Variants in FAF1 observed in about 807,000 individuals in gnomAD.
FAF1 encodes the protein Fas associated factor 1, also known as FAS-associated factor 1.
FAF1 carries 25 observed loss-of-function variants against 92.5 expected under a neutral mutation model. The ratio of observed to expected loss-of-function variants is 0.27; its 90% CI spans 0.20 to 0.38. The LOEUF (loss-of-function observed/expected upper bound fraction) is 0.38. Ranked by LOEUF, FAF1 falls within the 10% of genes least tolerant of loss-of-function variation. The probability of loss-of-function intolerance (pLI) is 1.00; values close to 1 mark genes in which losing one functional copy is unlikely to be tolerated. For synonymous variants in FAF1, 234 were observed against 273.2 expected (o/e 0.86, Z 1.42); for missense variants, 636 against 793.3 (o/e 0.80, Z 2.38).
At chr1:50,658,376 T>C (rs911951129) in intron 7 of FAF1, among the ~76,000 whole-genome samples, 7 of 152,202 alleles carry the variant, frequency 4.6e-5, no homozygotes, top group African/African-American at 1.7e-4. Context: ...ACACAAATAC[T>C]ATAAGTATAC....
At chr1:50,668,770 T>C (rs994227293) in intron 7 of FAF1, among the ~76,000 whole-genome samples, 1 of 152,164 alleles carries the variant, frequency 6.6e-6, no homozygotes, top group Non-Finnish European at 1.5e-5. Flanking sequence ...GAAATGTAGA[T>C]ATAGCTATTT....
chr1:50,463,155 T>A (rs565506488), intron 18 of FAF1, among the ~76,000 whole-genome samples: 7 of 152,312 alleles, frequency 4.6e-5, no homozygotes, highest in Admixed American at 1.3e-4. Flanking sequence ...TACCTATGTG[T>A]TCAGCACCCA....
intron 18 of FAF1, among the ~76,000 whole-genome samples, chr1:50,449,838 A>C (rs1476822468): frequency 6.6e-6 from 1 of 152,016 alleles, no homozygotes; most frequent in Admixed American, 6.6e-5. Flanking sequence ...TAGTTACTCT[A>C]TTAGGAAAAC....
At chr1:50,597,638 T>A (rs1292986015) in intron 8 of FAF1, among the ~76,000 whole-genome samples, 1 of 152,108 alleles carries the variant, frequency 6.6e-6, no homozygotes, top group Non-Finnish European at 1.5e-5. Flanking sequence ...AAACCCTTTT[T>A]CACAAAAATA....
intron 4 of FAF1, among the ~76,000 whole-genome samples, chr1:50,777,752 A>G (rs1231586565): frequency 1.3e-5 from 2 of 152,084 alleles, no homozygotes; most frequent in Non-Finnish European, 2.9e-5. Flanking sequence ...AGAAAAAAAA[A>G]AAAAAAGGAA....
At chr1:50,682,549 T>C (rs1252138718) in intron 7 of FAF1, among the ~76,000 whole-genome samples, 1 of 152,192 alleles carries the variant, frequency 6.6e-6, no homozygotes, top group Admixed American at 6.5e-5. Context: ...CAACAAAATA[T>C]TAAACCTATT....
chr1:50,870,667 G>A (rs754750491), intron 1 of FAF1, among the ~76,000 whole-genome samples: 9 of 152,124 alleles, frequency 5.9e-5, no homozygotes, highest in South Asian at 2.1e-4. Flanking sequence ...GTTTTGAGGC[G>A]CCACAAACCA....
chr1:50,672,413 G>C (rs1655937333), intron 7 of FAF1, among the ~76,000 whole-genome samples: 1 of 151,952 alleles, frequency 6.6e-6, no homozygotes, highest in Non-Finnish European at 1.5e-5. Context: ...AGGTGGGATG[G>C]GGGAGGGACA....
chr1:50,907,897 T>C (rs1644853336), intron 1 of FAF1, among the ~76,000 whole-genome samples: 1 of 152,202 alleles, frequency 6.6e-6, no homozygotes, highest in African/African-American at 2.4e-5. Context: ...TCTTAGTTAT[T>C]TCTTGCCTTC....
At chr1:50,794,211 G>A (rs1661663629) in intron 3 of FAF1, among the ~76,000 whole-genome samples, 1 of 152,194 alleles carries the variant, frequency 6.6e-6, no homozygotes, top group Non-Finnish European at 1.5e-5. Flanking sequence ...ACATGAAGGT[G>A]AAAGCTGTAC....
At chr1:50,742,550 A>T (rs969332603) in intron 5 of FAF1, among the ~76,000 whole-genome samples, 1 of 151,984 alleles carries the variant, frequency 6.6e-6, no homozygotes, top group Non-Finnish European at 1.5e-5. Flanking sequence ...CGCCCAGCTA[A>T]TTTTTATATT....
At position 50,724,308 on chromosome 1, in the gene FAF1, C is replaced by CAT. The variant is rs1553132441; in HGVS notation, c.551+14554_551+14555insAT. Among the ~76,000 whole-genome samples the CAT allele has an allele frequency of 3.6e-4, 50 of 140,096 alleles. 1 individual carries two copies. The highest frequency in any genetic ancestry group is 1.3e-3 in the African/African-American group (49 of 38,984). 91.9% of individuals were successfully genotyped at this position (140,096 alleles called of 152,430 possible). On this transcript the variant is annotated intron_variant, in intron 6 of 18. Transcript: ENST00000396153. The stretch of plus-strand genomic sequence containing the variant: ...ACACACACACACATACACACACACA[C>CAT]ACACACACACACACACACACACCCC...
intron 13 of FAF1, among the ~76,000 whole-genome samples, chr1:50,560,058 A>C (rs1557995239): frequency 1.3e-5 from 2 of 152,182 alleles, no homozygotes; most frequent in Non-Finnish European, 2.9e-5. Context: ...GCTGGAAATT[A>C]ATACTCCTGT....
intron 6 of FAF1, chr1:50,714,999 A>G (rs763736155): frequency 6.9e-6 from 3 of 435,116 alleles, no homozygotes; most frequent in Non-Finnish European, 9.1e-6. Flanking sequence ...TAAAGTAAAA[A>G]AAAACCTGTT....
chr1:50,622,242 G>C (rs564407681), intron 8 of FAF1, among the ~76,000 whole-genome samples: 3 of 151,860 alleles, frequency 2.0e-5, no homozygotes, highest in Non-Finnish European at 4.4e-5. Context: ...TAAAGGGTCC[G>C]CCGTAGCTAG....
At chr1:50,624,897 C>CTTTTTTT (rs34177866) in intron 8 of FAF1, among the ~76,000 whole-genome samples, 1 of 124,790 alleles carries the variant, frequency 8.0e-6, no homozygotes, top group African/African-American at 3.1e-5. Flanking sequence ...ATCCCACACT[C>CTTTTTTT]TTTTTTTTTT....
intron 6 of FAF1, among the ~76,000 whole-genome samples, chr1:50,724,296 T>TACATACACACACACAC (rs1553132404): frequency 8.5e-6 from 1 of 117,136 alleles, no homozygotes; most frequent in African/African-American, 3.1e-5. Flanking sequence ...CACACACACA[T>TACATACACACACACAC]ACACACACAC....
At chr1:50,957,741 A>T (rs926586632) in intron 1 of FAF1, among the ~76,000 whole-genome samples, 1 of 152,192 alleles carries the variant, frequency 6.6e-6, no homozygotes, top group African/African-American at 2.4e-5. Context: ...TCCTTTAGCC[A>T]ATATAAGGTT....
intron 13 of FAF1, among the ~76,000 whole-genome samples, chr1:50,554,607 T>C (rs1186722940): frequency 6.6e-6 from 1 of 152,056 alleles, no homozygotes; most frequent in African/African-American, 2.4e-5. Flanking sequence ...ATTACTGTCG[T>C]CTTCTTCACT....
Sources: gnomAD v4.1 joint callset for allele counts (sites outside exome capture counted in the v4.1 genomes callset) on GRCh38, gnomAD v4.1.1 for gene constraint, MANE v1.5 for transcripts, NCBI Gene and HGNC (gene_info 2026-07-23, HGNC 2026-07-21) for gene names.